The following SRGAP3 variants were observed in gnomAD, a reference collection of about 807,000 sequenced individuals.
SRGAP3 encodes the protein SLIT-ROBO Rho GTPase-activating protein 3.
In SRGAP3, 39 loss-of-function variants were observed where a neutral mutation model predicts 121.1. The observed-to-expected ratio is 0.32, with a 90% CI of 0.25 to 0.42. SRGAP3 has a LOEUF of 0.42. SRGAP3 is among the 10% of genes least tolerant of loss of function. SRGAP3 has a pLI of 1.00. For synonymous variants in SRGAP3, 601 were observed against 570.0 expected (o/e 1.05, Z -0.77); for missense variants, 1,213 against 1,470.6 (o/e 0.82, Z 2.86).
chr3:9,188,684 A>G (rs556278991), intron 1 of SRGAP3, among the ~76,000 whole-genome samples: 7 of 152,328 alleles, frequency 4.6e-5, no homozygotes, highest in Admixed American at 4.6e-4. Flanking sequence ...CTTTGGTGCC[A>G]TATCTTTTTC....
chr3:9,071,922 G>A (rs530661644), intron 4 of SRGAP3, among the ~76,000 whole-genome samples: 10 of 152,262 alleles, frequency 6.6e-5, no homozygotes, highest in East Asian at 5.8e-4. Flanking sequence ...AGTACACGCC[G>A]TACTGGTGAG....
At chr3:9,155,776 G>A (rs747495221) in intron 1 of SRGAP3, among the ~76,000 whole-genome samples, 1 of 152,102 alleles carries the variant, frequency 6.6e-6, no homozygotes, top group Non-Finnish European at 1.5e-5. Context: ...GTTTCTGCCT[G>A]CTTTTTATTT....
chr3:9,223,284 T>C (rs747418581), intron 1 of SRGAP3, among the ~76,000 whole-genome samples: 25 of 152,310 alleles, frequency 1.6e-4, no homozygotes, highest in Middle Eastern at 6.8e-3. Flanking sequence ...CCTAAAATGT[T>C]TATCACCTGG....
chr3:9,068,035 T>A (rs1946512223), intron 4 of SRGAP3, among the ~76,000 whole-genome samples: 1 of 152,134 alleles, frequency 6.6e-6, no homozygotes, highest in Non-Finnish European at 1.5e-5. Context: ...TCTCGACATG[T>A]CCCTCCACAT....
chr3:9,227,052 G>A (rs920009090), intron 1 of SRGAP3, among the ~76,000 whole-genome samples: 4 of 152,096 alleles, frequency 2.6e-5, no homozygotes, highest in Admixed American at 6.5e-5. Flanking sequence ...GGCCAGGTGG[G>A]CACTGGCACA....
At chr3:9,148,089 A>G (rs1305085165) in intron 1 of SRGAP3, among the ~76,000 whole-genome samples, 1 of 152,230 alleles carries the variant, frequency 6.6e-6, no homozygotes, top group Non-Finnish European at 1.5e-5. Flanking sequence ...TAAGTGTCCA[A>G]GAGAACCTCC....
At chr3:9,244,352 A>C (rs904956139) in intron 1 of SRGAP3, among the ~76,000 whole-genome samples, 1 of 152,202 alleles carries the variant, frequency 6.6e-6, no homozygotes, top group African/African-American at 2.4e-5. Flanking sequence ...ATGAATAAAT[A>C]CATGCCCCTC....
rs186244702 is a variant in SRGAP3 at position 9,333,975 on chromosome 3, T to G, written n.215-3379A>C. Among the ~76,000 whole-genome samples the G allele has an allele frequency of 2.0e-4, 31 of 152,200 alleles. 1 individual carries two copies. The highest frequency in any genetic ancestry group is 1.9e-3 in the Admixed American group (29 of 15,276). On this transcript the variant is annotated intron_variant and non_coding_transcript_variant, in intron 1 of 3. Coordinates refer to the SRGAP3 transcript ENST00000490889. Reference sequence around the variant, plus strand: ...AATGCAAGGAATAGCAATCACCTCATAAACACCCCTTTAGCATCACCAACT... The same window carrying G: ...AATGCAAGGAATAGCAATCACCTCAGAAACACCCCTTTAGCATCACCAACT...
At chr3:9,179,668 C>T (rs1409024013) in intron 1 of SRGAP3, among the ~76,000 whole-genome samples, 1 of 152,250 alleles carries the variant, frequency 6.6e-6, no homozygotes, top group African/African-American at 2.4e-5. Context: ...ATGGGTATAA[C>T]AGCTCTTCCA....
At position 9,112,109 on chromosome 3, in the gene SRGAP3, C is replaced by G. The variant is rs1396581834; in HGVS notation, c.261-7267G>C. On this transcript the variant is annotated intron_variant, in intron 2 of 21. Coordinates refer to ENST00000383836, the MANE Select transcript of SRGAP3 (RefSeq NM_014850.4). The stretch of plus-strand genomic sequence containing the variant: ...TGAGCCAGTTTCTCCAGCTTCTCGG[C>G]TGAGGGCCGGAAAATTCCGCTTAGC... Among the ~76,000 whole-genome samples the G allele has an allele frequency of 3.3e-5, 5 of 152,310 alleles. 1 individual carries two copies. The South Asian group carries it at 6.2e-4, about 19-fold the overall frequency.
intron 1 of SRGAP3, among the ~76,000 whole-genome samples, chr3:9,196,796 C>T (rs1311712208): frequency 6.6e-6 from 1 of 152,108 alleles, no homozygotes; most frequent in Non-Finnish European, 1.5e-5. Flanking sequence ...TAGTCCAATA[C>T]TCTTATTTTA....
chr3:9,343,625 T>C (rs1955830355), intron 1 of SRGAP3, among the ~76,000 whole-genome samples: 1 of 152,232 alleles, frequency 6.6e-6, no homozygotes, highest in South Asian at 2.1e-4. Flanking sequence ...TGAATAGGCA[T>C]ACATCTTTAT....
intron 3 of SRGAP3, among the ~76,000 whole-genome samples, chr3:9,285,739 A>G (rs1954756172): frequency 6.6e-6 from 1 of 151,454 alleles, no homozygotes; most frequent in Non-Finnish European, 1.5e-5. Flanking sequence ...TTCAAAGTCC[A>G]GCCTGGGCAA....
chr3:9,002,614 G>T (rs1243582968), intron 18 of SRGAP3, among the ~76,000 whole-genome samples: 1 of 151,976 alleles, frequency 6.6e-6, no homozygotes, highest in East Asian at 1.9e-4. Flanking sequence ...ATAAAATAGA[G>T]AACAGAAAAA....
chr3:9,082,751 G>C (rs1454683335), intron 3 of SRGAP3, among the ~76,000 whole-genome samples: 6 of 152,218 alleles, frequency 3.9e-5, no homozygotes, highest in African/African-American at 1.4e-4. Context: ...CACCCTTGCA[G>C]AGGTGAGAAG....
At position 9,258,460 on chromosome 3, in the gene SRGAP3, C is replaced by G. The variant is rs534807853; in HGVS notation, n.442+67550G>C. On this transcript the variant is annotated intron_variant and non_coding_transcript_variant, in intron 3 of 3. Transcript: ENST00000490889. ...ACAAGCTCGGAGTTTCATCTGGGTT[C>G]CCCCAGGAGCCCTGAAGGGAACTGA... 1.5e-3 allele frequency among the ~76,000 whole-genome samples: 231 copies of G among 152,252 alleles called. 1 individual carries two copies. Among genetic ancestry groups the G allele is most frequent in the Non-Finnish European group, 2.8e-3 (188 of 68,008 alleles).
intron 1 of SRGAP3, among the ~76,000 whole-genome samples, chr3:9,168,411 C>G (rs1055185877): frequency 2.0e-5 from 3 of 152,170 alleles, no homozygotes; most frequent in Non-Finnish European, 4.4e-5. Context: ...GAGCTGAGGC[C>G]CTGCAGGAGA....
chr3:9,183,156 G>C (rs1210732693), intron 1 of SRGAP3, among the ~76,000 whole-genome samples: 2 of 152,196 alleles, frequency 1.3e-5, no homozygotes, highest in Non-Finnish European at 2.9e-5. Context: ...AGGAGGCCCA[G>C]GAAGGGACCA....
intron 1 of SRGAP3, among the ~76,000 whole-genome samples, chr3:9,242,616 C>T (rs1038146135): frequency 1.3e-5 from 2 of 152,230 alleles, no homozygotes; most frequent in African/African-American, 2.4e-5. Context: ...GGCTGGAAGA[C>T]AGAGCAAGAC....
Sources: allele counts gnomAD v4.1 joint callset (sites outside exome capture counted in the v4.1 genomes callset), GRCh38; gene constraint gnomAD v4.1.1; transcripts MANE v1.5; gene names NCBI Gene and HGNC (gene_info 2026-07-23, HGNC 2026-07-21).